VSNL1: variants seen among roughly 807,000 people sequenced by gnomAD.
VSNL1 encodes the protein visinin-like protein 1.
Under a neutral mutation model 20.4 loss-of-function variants are expected in VSNL1, and 6 were observed. The ratio of observed to expected loss-of-function variants is 0.29; its 90% CI spans 0.16 to 0.58. VSNL1 has a LOEUF of 0.58. Ranked by LOEUF, VSNL1 falls within the 20% of genes least tolerant of loss-of-function variation. VSNL1 has a pLI of 0.90. For missense variants in VSNL1, 100 were observed against 234.5 expected, an observed-to-expected ratio of 0.43 and a Z score of 3.75; for synonymous variants, 93 against 86.4, an observed-to-expected ratio of 1.08 and a Z score of -0.42.
rs756133672 is a variant in VSNL1, at chr2:17,655,310, C to A, written c.492C>A (p.Asp164Glu). 4.3e-6 allele frequency: 7 copies of A among 1,614,076 alleles called. No homozygotes were observed. The highest frequency in any genetic ancestry group is 5.9e-6 in the Non-Finnish European group (7 of 1,180,008). The change falls in exon 4 of 4, where the codon GAC becomes GAA. Residue 164 changes from aspartate (D) to glutamate (E), a missense_variant. Transcript: ENST00000295156. The surrounding 1 kb of genome is among the most constrained non-coding windows in gnomAD (Gnocchi z 5.2). ...IFSKMDKNKD[D>E]QITLDEFKEA... ...GCAAGATGGATAAGAACAAAGATGA[C>A]CAGATTACACTGGATGAATTCAAAG...
chr2:17,599,010 A>G (rs1664771744), intron 2 of VSNL1, among the ~76,000 whole-genome samples: 1 of 152,228 alleles, frequency 6.6e-6, no homozygotes, highest in African/African-American at 2.4e-5. Flanking sequence ...GGGAGTCTCC[A>G]GTGGGATAAA....
chr2:17,615,271 C>T (rs1665188685), intron 2 of VSNL1, among the ~76,000 whole-genome samples: 1 of 152,192 alleles, frequency 6.6e-6, no homozygotes, highest in African/African-American at 2.4e-5. Context: ...GGGTGCCCCT[C>T]ATGCCTTATT....
chr2:17,586,371 TAAGGAAG>T (rs1664473487), intron 1 of VSNL1, among the ~76,000 whole-genome samples: 2 of 152,230 alleles, frequency 1.3e-5, no homozygotes, highest in Admixed American at 6.5e-5. Context: ...GCTGTATTTT[TAAGGAAG>T]AACCAAGGGT....
intron 1 of VSNL1, among the ~76,000 whole-genome samples, chr2:17,573,302 C>A (rs998329410): frequency 2.0e-5 from 3 of 152,090 alleles, no homozygotes; most frequent in Admixed American, 6.6e-5. Flanking sequence ...ATGGGTCTTA[C>A]AAAAGAACTG....
At chr2:17,565,811 A>G (rs1333057979) in intron 1 of VSNL1, among the ~76,000 whole-genome samples, 2 of 152,176 alleles carry the variant, frequency 1.3e-5, no homozygotes, top group Non-Finnish European at 2.9e-5. Context: ...CATAATTCCC[A>G]CGTCATGGGA....
In VSNL1 at chr2:17,643,629, G is replaced by A. The variant is rs572179189; in HGVS notation, c.163-5781G>A. ...GCAAAACCAGGTCATTCTCGGCCCC[G>A]TTTAGCTTACAGTCTACTAGGGAAA... is the stretch of plus-strand genomic sequence containing the variant. On this transcript the variant is annotated intron_variant, in intron 2 of 3. Coordinates refer to ENST00000295156, the MANE Select transcript of VSNL1 (RefSeq NM_003385.5). 3.3e-5 allele frequency among the ~76,000 whole-genome samples: 5 copies of A among 152,286 alleles called. No homozygotes were observed. In the South Asian group the frequency reaches 1.0e-3, roughly 32 times the overall value.
intron 2 of VSNL1, among the ~76,000 whole-genome samples, chr2:17,598,723 A>G (rs1210434058): frequency 1.3e-5 from 2 of 152,202 alleles, no homozygotes; most frequent in Admixed American, 6.5e-5. Context: ...CCAAGAAAGG[A>G]TAAGAGTCAC....
At chr2:17,558,197 G>C (rs1663734047) in intron 1 of VSNL1, among the ~76,000 whole-genome samples, 1 of 152,070 alleles carries the variant, frequency 6.6e-6, no homozygotes, top group South Asian at 2.1e-4. Flanking sequence ...GGTTTTAAAG[G>C]GTTATAAAAT....
chr2:17,646,637 C>T (rs1205527914), intron 2 of VSNL1, among the ~76,000 whole-genome samples: 1 of 152,160 alleles, frequency 6.6e-6, no homozygotes, highest in African/African-American at 2.4e-5. Context: ...ATTTTTCAAC[C>T]TCAAAGTTCT....
At chr2:17,595,634 G>A (rs1299058031) in intron 2 of VSNL1, among the ~76,000 whole-genome samples, 4 of 152,144 alleles carry the variant, frequency 2.6e-5, no homozygotes, top group Non-Finnish European at 4.4e-5. Flanking sequence ...CAGTACCTCA[G>A]AATGGGACTG....
chr2:17,611,912 T>A (rs1306882079), intron 2 of VSNL1, among the ~76,000 whole-genome samples: 1 of 152,208 alleles, frequency 6.6e-6, no homozygotes. Context: ...AAAGTAATAG[T>A]GATGAGGTTT....
At chr2:17,622,847 G>A (rs894898497) in intron 2 of VSNL1, among the ~76,000 whole-genome samples, 2 of 152,202 alleles carry the variant, frequency 1.3e-5, no homozygotes, top group Admixed American at 1.3e-4. Context: ...AGGAACAGGA[G>A]AGGCCAGGCT....
intron 1 of VSNL1, among the ~76,000 whole-genome samples, chr2:17,565,120 G>T (rs997636340): frequency 6.6e-6 from 1 of 152,066 alleles, no homozygotes; most frequent in Non-Finnish European, 1.5e-5. Context: ...AGAGCTAGAA[G>T]AAAAAAGATT....
chr2:17,605,125 T>A (rs566594959), intron 2 of VSNL1, among the ~76,000 whole-genome samples: 5 of 152,358 alleles, frequency 3.3e-5, no homozygotes, highest in Admixed American at 1.3e-4. Context: ...TCTTCATATC[T>A]ACTTTACAAG....
At chr2:17,651,825 G>A (rs892376141) in intron 3 of VSNL1, among the ~76,000 whole-genome samples, 3 of 152,184 alleles carry the variant, frequency 2.0e-5, no homozygotes, top group South Asian at 2.1e-4. Context: ...TTCGTGACAC[G>A]TGTAATAATT....
At chr2:17,611,691 C>T (rs538271759) in intron 2 of VSNL1, among the ~76,000 whole-genome samples, 4 of 152,330 alleles carry the variant, frequency 2.6e-5, no homozygotes, top group South Asian at 2.1e-4. Flanking sequence ...GAGCCAGCTC[C>T]GTCTCCAGCA....
intron 1 of VSNL1, among the ~76,000 whole-genome samples, chr2:17,544,425 T>G (rs1471510499): frequency 6.6e-6 from 1 of 152,172 alleles, no homozygotes; most frequent in Non-Finnish European, 1.5e-5. Context: ...ATGCGGAGAT[T>G]TGTAGTTGCT....
chr2:17,566,931 A>C (rs1433264019), intron 1 of VSNL1, among the ~76,000 whole-genome samples: 1 of 152,114 alleles, frequency 6.6e-6, no homozygotes, highest in Non-Finnish European at 1.5e-5. Flanking sequence ...AAAGTCCCAA[A>C]TGTTTAGCTC....
chr2:17,565,764 G>A (rs1033289078), intron 1 of VSNL1, among the ~76,000 whole-genome samples: 2 of 152,200 alleles, frequency 1.3e-5, no homozygotes, highest in Admixed American at 6.5e-5. Flanking sequence ...TGGTTTGGCT[G>A]TGTCCCCACC....
Sources: gnomAD v4.1 joint callset for allele counts (sites outside exome capture counted in the v4.1 genomes callset) on GRCh38, gnomAD v4.1.1 for gene constraint, Gnocchi (gnomAD v3.1) non-coding constraint, MANE v1.5 for transcripts, NCBI Gene and HGNC (gene_info 2026-07-23, HGNC 2026-07-21) for gene names.